The following GSTA3 variants were observed in gnomAD, a reference collection of about 807,000 sequenced individuals.
The protein encoded by GSTA3 is glutathione S-transferase alpha 3.
A neutral mutation model predicts 23.1 loss-of-function variants in GSTA3; 16 were observed. The ratio of observed to expected loss-of-function variants is 0.69; its 90% CI spans 0.47 to 1.05. The LOEUF (loss-of-function observed/expected upper bound fraction) is 1.05, where lower values mean the gene tolerates loss of function less well. GSTA3 is among the 50% of genes least tolerant of loss of function. The pLI is 0.00. For missense variants in GSTA3, 319 were observed against 263.6 expected (o/e 1.21, Z -1.46); for synonymous variants, 122 against 91.0 (o/e 1.34, Z -1.94).
Position 52,905,430 on chromosome 6 carries a change from C to G in GSTA3, c.87+318G>C, listed in dbSNP as rs1173149843. Among the ~76,000 whole-genome samples the G allele has an allele frequency of 3.9e-5, 6 of 151,918 alleles. No homozygotes were observed. The South Asian group carries it at 1.0e-3, about 26-fold the overall frequency. On this transcript the variant is annotated intron_variant, in intron 2 of 6. Transcript: ENST00000211122. The stretch of plus-strand genomic sequence containing the variant: ...TAACATTCAATCAATATTCAGGTTT[C>G]TAATTTTTATGTGTCATAAGTTATA...
At chr6:52,897,591 C>G (rs546274082) in intron 6 of GSTA3, among the ~76,000 whole-genome samples, 2 of 152,122 alleles carry the variant, frequency 1.3e-5, no homozygotes, top group Non-Finnish European at 2.9e-5. Flanking sequence ...GGGTCCTTTC[C>G]GTGATAAAAG....
rs146221099 is a variant in GSTA3 at position 52,901,815 on chromosome 6, G to C, written c.272+531C>G. ...CTAGCTGCTTCAGCCTTGAATCCAT[G>C]TTTCCAGGCAACCCCAGAGTTCTGG... On this transcript the variant is annotated intron_variant, in intron 4 of 6. Transcript: ENST00000211122. Among the ~76,000 whole-genome samples the C allele has an allele frequency of 2.2e-4, 33 of 152,292 alleles. No homozygotes were observed. In the East Asian group the frequency reaches 6.2e-3, roughly 29 times the overall value.
intron 4 of GSTA3, among the ~76,000 whole-genome samples, 189 bp from the exon 5 acceptor site, chr6:52,900,264 C>CTTTTTTTTTTTTTT (rs368457261): frequency 7.5e-6 from 1 of 133,458 alleles, no homozygotes. Context: ...CTTTCTTTTT[C>CTTTTTTTTTTTTTT]TTTTTTTTTT....
intron 1 of GSTA3, among the ~76,000 whole-genome samples, chr6:52,906,654 C>T (rs894165195): frequency 1.7e-4 from 26 of 151,848 alleles, no homozygotes; most frequent in South Asian, 6.2e-4. Flanking sequence ...TTAGAAATAA[C>T]GCCGCATATC....
rs1294272094 is a variant in GSTA3, at chr6:52,903,710, T to C, written c.105A>G (p.Ile35Met). 6.3e-7 allele frequency: 1 copy of C among 1,592,190 alleles called. No individual in the cohort carries two copies. Among genetic ancestry groups the C allele is most frequent in the African/African-American group, 1.3e-5 (1 of 74,580 alleles). ...AAGVEFEEKFIGSAEDLGKLR... is the reference protein window; with the variant it reads ...AAGVEFEEKFMGSAEDLGKLR... ...ACTTTCCCAAATCTTCTGCAGATCC[T>C]ATAAATTTCTCTTCAAACTGGAAGC... Residue 35 changes from isoleucine (I) to methionine (M), a missense_variant, in exon 3 of 7, where the codon ATA becomes ATG. Ile to Met is a conservative substitution (Grantham distance 10). Transcript: ENST00000211122.
chr6:52,903,161 G>T (rs1309920837), intron 3 of GSTA3, among the ~76,000 whole-genome samples: 1 of 152,068 alleles, frequency 6.6e-6, no homozygotes, highest in Non-Finnish European at 1.5e-5. Context: ...ACTCTGAGAG[G>T]TCTGGCCTTT....
At chr6:52,897,989 A>G in intron 5 of GSTA3, 33 bp from the exon 6 acceptor site, 2 of 1,613,082 alleles carry the variant, frequency 1.2e-6, no homozygotes, top group Non-Finnish European at 1.7e-6. Context: ...TCAGGAATAC[A>G]TGCGCACCCA....
At chr6:52,903,951 T>G (rs1041336481) in intron 2 of GSTA3, among the ~76,000 whole-genome samples, 1 of 152,098 alleles carries the variant, frequency 6.6e-6, no homozygotes, top group Non-Finnish European at 1.5e-5. Context: ...GGTCTGACAA[T>G]GGGTCAGAAC....
At chr6:52,903,262 C>T (rs1180091546) in intron 3 of GSTA3, among the ~76,000 whole-genome samples, 1 of 152,008 alleles carries the variant, frequency 6.6e-6, no homozygotes, top group Non-Finnish European at 1.5e-5. Context: ...AGCTACCACC[C>T]CACACACACA....
intron 6 of GSTA3, among the ~76,000 whole-genome samples, chr6:52,897,447 A>G (rs900115214): frequency 6.6e-6 from 1 of 152,216 alleles, no homozygotes; most frequent in Non-Finnish European, 1.5e-5. Context: ...AGCCTAAGGA[A>G]GGAACCAGAT....
At chr6:52,908,625 A>G (rs1765972568) in intron 1 of GSTA3, among the ~76,000 whole-genome samples, 1 of 152,238 alleles carries the variant, frequency 6.6e-6, no homozygotes, top group Non-Finnish European at 1.5e-5. Flanking sequence ...CAAAGCAACC[A>G]AACTCTCCCA....
chr6:52,899,984 C>T lies in GSTA3; in HGVS notation c.364G>A (p.Ala122Thr). The T allele has an allele frequency of 6.2e-7, 1 of 1,613,956 alleles. No individual in the cohort carries two copies. ...CTTTTTGTTTTCTCTTTGATCAAGG[C>T]AATCTTGGCATCTTTTTCCTCAGGT... ...CRPEEKDAKI[A>T]LIKEKTKSRY... The change falls in exon 5 of 7, where the codon GCC (alanine) becomes ACC (threonine). Residue 122 changes from alanine to threonine, a missense_variant. Ala to Thr is a moderately conservative substitution (Grantham distance 58). Coordinates refer to ENST00000211122, the MANE Select transcript of GSTA3 (RefSeq NM_000847.5).
In GSTA3 at chr6:52,908,590, C is replaced by G. The variant is rs11961374; in HGVS notation, c.-22+1051G>C. ...AACCAATCCTAATTATGAAACCCACCAATCTGCTGTTTAAAAAGAATTATC... is the reference window on the plus strand; with the variant it reads ...AACCAATCCTAATTATGAAACCCACGAATCTGCTGTTTAAAAAGAATTATC... On this transcript the variant is annotated intron_variant, in intron 1 of 6. Coordinates refer to ENST00000211122, the MANE Select transcript of GSTA3 (RefSeq NM_000847.5). 9.1e-3 allele frequency among the ~76,000 whole-genome samples: 1,390 copies of G among 152,284 alleles called. 10 individuals carry two copies. Among genetic ancestry groups the G allele is most frequent in the Non-Finnish European group, 0.014 (940 of 68,016 alleles).
intron 4 of GSTA3, among the ~76,000 whole-genome samples, chr6:52,900,319 G>T (rs1348287368): frequency 6.7e-6 from 1 of 150,074 alleles, no homozygotes; most frequent in Admixed American, 6.6e-5. Flanking sequence ...CCAGAGTGAG[G>T]TTATACAATC....
chr6:52,904,604 C>G (rs1419249908), intron 2 of GSTA3, among the ~76,000 whole-genome samples: 2 of 152,164 alleles, frequency 1.3e-5, no homozygotes, highest in Non-Finnish European at 1.5e-5. Context: ...CAGGACGCCA[C>G]CTCACCTGAA....
At chr6:52,899,078 C>A (rs1424388853) in intron 5 of GSTA3, among the ~76,000 whole-genome samples, 1 of 151,444 alleles carries the variant, frequency 6.6e-6, no homozygotes, top group African/African-American at 2.4e-5. Context: ...CAGGGTAGAG[C>A]AGGTAATCGG....
At chr6:52,903,507 G>C (rs1765771605) in intron 3 of GSTA3, among the ~76,000 whole-genome samples, 169 bp downstream of exon 3, 1 of 150,962 alleles carries the variant, frequency 6.6e-6, no homozygotes, top group Non-Finnish European at 1.5e-5. Context: ...TGAGGCAGGA[G>C]AATGGCATGA....
intron 5 of GSTA3, 146 bp downstream of exon 5, chr6:52,899,788 A>G (rs375333906): frequency 2.5e-6 from 2 of 795,206 alleles, no homozygotes; most frequent in Admixed American, 2.3e-5. Flanking sequence ...GTCAATTTTC[A>G]TAAAATGCCT....
chr6:52,900,013 C>A lies in GSTA3; in HGVS notation c.335G>T (p.Cys112Phe). Residue 112 changes from cysteine to phenylalanine, a missense_variant, in exon 5 of 7, where the codon TGT becomes TTT. Transcript: ENST00000211122. ...CTTGGCATCTTTTTCCTCAGGTCGA[C>A]ATAAGGGCAGAAGAAGGATCATTTC... Reference protein sequence around the residue: ...LNEMILLLPLCRPEEKDAKIA... With the variant: ...LNEMILLLPLFRPEEKDAKIA... The A allele has an allele frequency of 6.2e-7, 1 of 1,613,520 alleles. No homozygotes were observed. Among genetic ancestry groups the A allele is most frequent in the Non-Finnish European group, 8.5e-7 (1 of 1,179,506 alleles).
Sources: allele counts gnomAD v4.1 joint callset (sites outside exome capture counted in the v4.1 genomes callset), GRCh38; gene constraint gnomAD v4.1.1; transcripts MANE v1.5; gene names NCBI Gene and HGNC (gene_info 2026-07-23, HGNC 2026-07-21).